CCDC33: variants seen among roughly 807,000 people sequenced by gnomAD.
The protein encoded by CCDC33 is coiled-coil domain-containing protein 33.
In CCDC33, 94 loss-of-function variants were observed where a neutral mutation model predicts 91.9. The observed-to-expected ratio is 1.02, with a 90% CI of 0.87 to 1.21. CCDC33 has a LOEUF of 1.21. Among genes scored for constraint, CCDC33 ranks in the 50% most tolerant of loss-of-function variants. The pLI, the probability that CCDC33 is intolerant of heterozygous loss-of-function variation, is 0.00. For synonymous variants in CCDC33, 396 were observed against 374.5 expected, an observed-to-expected ratio of 1.06 and a Z score of -0.66; for missense variants, 940 against 935.5, an observed-to-expected ratio of 1.00 and a Z score of -0.06.
intron 11 of CCDC33, chr15:74,319,646 G>A (rs1340591856): frequency 6.6e-6 from 1 of 152,332 alleles, no homozygotes; most frequent in Admixed American, 6.5e-5. Context: ...GAGGAGGAGG[G>A]CCCAGAATGG....
intron 2 of CCDC33, among the ~76,000 whole-genome samples, chr15:74,260,616 G>T (rs951043916): frequency 1.3e-5 from 2 of 152,210 alleles, no homozygotes; most frequent in Non-Finnish European, 2.9e-5. Flanking sequence ...GAGGAACTTA[G>T]TAGGTGCAGA....
chr15:74,241,918 C>T (rs182057550), intron 1 of CCDC33, among the ~76,000 whole-genome samples: 6 of 152,268 alleles, frequency 3.9e-5, no homozygotes, highest in Admixed American at 3.3e-4. Context: ...AACTCATTAA[C>T]GAGTTGGGGC....
chr15:74,207,917 GGAAGAGTATGGGT>G, intron 1 of CCDC33: 1 of 1,478,498 alleles, frequency 6.8e-7, no homozygotes, highest in Non-Finnish European at 9.0e-7. Context: ...GCTCACGGCA[GGAAGAGTATGGGT>G]GACTCTCCAC....
At chr15:74,333,334 A>AG (rs2142893753) in intron 16 of CCDC33, 22 of 1,564,740 alleles carry the variant, frequency 1.4e-5, no homozygotes, top group Non-Finnish European at 1.8e-5. Context: ...TGGGTGGCCC[A>AG]GGGCCCAGAA....
rs142246811 is a variant in CCDC33 at position 74,330,862 on chromosome 15, G to A, written c.1545+111G>A. ...ACAGGCACAGAGGGAATGGAAGCAC[G>A]GAAGAAAGGGGGACCAGCCTGGTGG... On this transcript the variant is annotated intron_variant, in intron 13 of 18. Transcript: ENST00000398814. 2,202 of 1,505,542 alleles carry A rather than the reference G, an allele frequency of 1.5e-3. 24 individuals are homozygous for A. The African/African-American group carries it at 0.024, about 16-fold the overall frequency. 93.3% of individuals were successfully genotyped at this position (1,505,542 alleles called of 1,614,324 possible).
intron 1 of CCDC33, among the ~76,000 whole-genome samples, chr15:74,204,338 A>G (rs2074206933): frequency 6.6e-6 from 1 of 152,174 alleles, no homozygotes; most frequent in African/African-American, 2.4e-5. Flanking sequence ...GGACTTCAGA[A>G]ATTGAGCTTG....
At chr15:74,314,704 G>A (rs2060057645) in intron 11 of CCDC33, among the ~76,000 whole-genome samples, 1 of 152,220 alleles carries the variant, frequency 6.6e-6, no homozygotes, top group African/African-American at 2.4e-5. Context: ...GGATTTGGGG[G>A]TTAGGAGGGG....
upstream of CCDC33, among the ~76,000 whole-genome samples, chr15:74,233,351 G>T (rs2075044980): frequency 6.6e-6 from 1 of 152,342 alleles, no homozygotes; most frequent in Non-Finnish European, 1.5e-5. Flanking sequence ...CGCACCCTCG[G>T]CCCCAGTGGT....
chr15:74,300,950 C>T (rs1437221069), intron 11 of CCDC33: 1 of 152,264 alleles, frequency 6.6e-6, no homozygotes. Flanking sequence ...TGGTACAAAA[C>T]TCTGGTCCTG....
chr15:74,287,249 G>A (rs1290768403), intron 10 of CCDC33, among the ~76,000 whole-genome samples: 1 of 152,174 alleles, frequency 6.6e-6, no homozygotes, highest in Non-Finnish European at 1.5e-5. Flanking sequence ...TGAAGGCTCT[G>A]TTCCCACCCC....
intron 2 of CCDC33, among the ~76,000 whole-genome samples, chr15:74,227,338 G>C (rs910952986): frequency 2.0e-5 from 3 of 152,206 alleles, no homozygotes; most frequent in African/African-American, 7.2e-5. Flanking sequence ...CTGTTCCTTA[G>C]CCCATTTGCA....
At chr15:74,208,465 T>C (rs2074312078) in intron 1 of CCDC33, among the ~76,000 whole-genome samples, 1 of 152,092 alleles carries the variant, frequency 6.6e-6, no homozygotes, top group Admixed American at 6.5e-5. Flanking sequence ...GCTGGGCAGA[T>C]CCCCTGACTT....
At chr15:74,331,732 T>C (rs2060443876) in intron 15 of CCDC33, among the ~76,000 whole-genome samples, 1 of 152,190 alleles carries the variant, frequency 6.6e-6, no homozygotes, top group African/African-American at 2.4e-5. Flanking sequence ...ATACTTTGAT[T>C]AAATCAATGA....
intron 18 of CCDC33, 136 bp downstream of exon 18, chr15:74,335,224 T>A: frequency 1.3e-6 from 1 of 784,218 alleles, no homozygotes; most frequent in Middle Eastern, 3.1e-4. Flanking sequence ...AGTCCTAGGC[T>A]CCCATTCCTG....
intron 2 of CCDC33, among the ~76,000 whole-genome samples, chr15:74,225,117 CGTGTGTGTGT>C (rs3057568): frequency 5.6e-4 from 79 of 139,940 alleles, no homozygotes; most frequent in African/African-American, 1.6e-3. Context: ...CTCCTGGAGG[CGTGTGTGTGT>C]GTGTGTGTGT....
chr15:74,259,168 C>T (rs948564274), intron 2 of CCDC33, among the ~76,000 whole-genome samples: 6 of 152,138 alleles, frequency 3.9e-5, no homozygotes, highest in South Asian at 4.2e-4. Flanking sequence ...CTGGAGCCAA[C>T]GGGTCCAAGT....
chr15:74,228,958 C>G (rs989900247), intron 2 of CCDC33, among the ~76,000 whole-genome samples: 2 of 152,122 alleles, frequency 1.3e-5, no homozygotes, highest in South Asian at 2.1e-4. Context: ...GGAGGGAGCC[C>G]GGGCTGACTT....
chr15:74,223,552 T>C (rs578204712), intron 2 of CCDC33, among the ~76,000 whole-genome samples: 16 of 152,194 alleles, frequency 1.1e-4, no homozygotes, highest in African/African-American at 3.6e-4. Flanking sequence ...TTAATCTCTC[T>C]CTTAACTCGA....
chr15:74,223,809 C>G (rs954380048), intron 2 of CCDC33, among the ~76,000 whole-genome samples: 1 of 151,372 alleles, frequency 6.6e-6, no homozygotes, highest in African/African-American at 2.4e-5. Flanking sequence ...AGACAGCAGA[C>G]AGCTGCTTTA....
Sources: allele counts gnomAD v4.1 joint callset (sites outside exome capture counted in the v4.1 genomes callset), GRCh38; gene constraint gnomAD v4.1.1; transcripts MANE v1.5; gene names NCBI Gene and HGNC (gene_info 2026-07-23, HGNC 2026-07-21).